The following FSTL5 variants were observed in gnomAD, a reference collection of about 807,000 sequenced individuals.
FSTL5 encodes follistatin like 5, also known as follistatin-related protein 5.
Under a neutral mutation model 89.1 loss-of-function variants are expected in FSTL5, and 62 were observed. The observed-to-expected ratio is 0.70, with a 90% confidence interval of 0.57 to 0.86. FSTL5 has a LOEUF of 0.86. FSTL5 is among the 40% of genes least tolerant of loss of function. The probability of loss-of-function intolerance (pLI) is 0.00; values close to 1 mark genes in which losing one functional copy is unlikely to be tolerated. For missense variants in FSTL5, 1,057 were observed against 1,001.6 expected (o/e 1.06, Z -0.75); for synonymous variants, 383 against 346.2 (o/e 1.11, Z -1.18).
At chr4:161,766,984 C>T (rs727566) in intron 5 of FSTL5, among the ~76,000 whole-genome samples, 10,236 of 152,044 alleles carry the variant, frequency 0.067, 587 homozygotes, top group African/African-American at 0.16. Flanking sequence ...TCAGGCCATT[C>T]GGTTACATGA....
chr4:161,593,557 G>C (rs977111605), intron 7 of FSTL5, among the ~76,000 whole-genome samples: 1 of 151,840 alleles, frequency 6.6e-6, no homozygotes, highest in African/African-American at 2.4e-5. Flanking sequence ...GAGGAGTCAA[G>C]GAAGAAGGGA....
At chr4:161,418,647 A>G (rs2126307126) in intron 15 of FSTL5, among the ~76,000 whole-genome samples, 1 of 152,296 alleles carries the variant, frequency 6.6e-6, no homozygotes, top group South Asian at 2.1e-4. Flanking sequence ...TTGGGTTTTT[A>G]TTTAGAAGAC....
At chr4:161,394,736 T>C (rs1199463835) in intron 15 of FSTL5, among the ~76,000 whole-genome samples, 1 of 152,154 alleles carries the variant, frequency 6.6e-6, no homozygotes, top group Admixed American at 6.6e-5. Context: ...ATAAAATAGG[T>C]TGTAATATAT....
intron 9 of FSTL5, among the ~76,000 whole-genome samples, chr4:161,538,561 T>G (rs186150072): frequency 7.2e-5 from 11 of 152,314 alleles, no homozygotes; most frequent in Admixed American, 7.2e-4. Flanking sequence ...TTCTACATTG[T>G]ATATGAGGTA....
intron 2 of FSTL5, among the ~76,000 whole-genome samples, chr4:162,041,541 C>T (rs895098145): frequency 2.0e-5 from 3 of 152,124 alleles, no homozygotes; most frequent in Non-Finnish European, 2.9e-5. Flanking sequence ...AGTCAACCAA[C>T]TTCTCCTTCA....
chr4:161,866,465 AGTGTGT>A (rs70937692), intron 4 of FSTL5, among the ~76,000 whole-genome samples: 4,539 of 131,906 alleles, frequency 0.034, 82 homozygotes, highest in South Asian at 0.052. Flanking sequence ...TCTAAGCTGT[AGTGTGT>A]GTGTGTGTGT....
chr4:161,482,030 G>T (rs762541072), intron 12 of FSTL5, among the ~76,000 whole-genome samples: 11 of 152,144 alleles, frequency 7.2e-5, no homozygotes, highest in Non-Finnish European at 1.3e-4. Context: ...TACATAAAAT[G>T]TATGTGCAGG....
chr4:161,669,336 C>T (rs1323551333), intron 6 of FSTL5, among the ~76,000 whole-genome samples: 1 of 151,652 alleles, frequency 6.6e-6, no homozygotes, highest in Non-Finnish European at 1.5e-5. Flanking sequence ...TCAAGATGAA[C>T]CAATGTTGAA....
intron 2 of FSTL5, among the ~76,000 whole-genome samples, chr4:162,108,738 T>C (rs1731324588): frequency 6.6e-6 from 1 of 151,524 alleles, no homozygotes; most frequent in African/African-American, 2.4e-5. Flanking sequence ...TTTAGTTTGA[T>C]AAATAAAAAG....
At chr4:162,043,575 TTAAAA>T (rs1738056997) in intron 2 of FSTL5, among the ~76,000 whole-genome samples, 1 of 152,120 alleles carries the variant, frequency 6.6e-6, no homozygotes, top group Non-Finnish European at 1.5e-5. Context: ...TGGCAATTTC[TTAAAA>T]TAAAAAAAAA....
At chr4:161,460,211 T>A (rs1210360216) in intron 13 of FSTL5, among the ~76,000 whole-genome samples, 1 of 151,954 alleles carries the variant, frequency 6.6e-6, no homozygotes, top group African/African-American at 2.4e-5. Context: ...CCTTAGAGAA[T>A]TTTCTTTTTT....
chr4:161,526,002 GT>G (rs1039588246), intron 10 of FSTL5, among the ~76,000 whole-genome samples: 2 of 151,892 alleles, frequency 1.3e-5, no homozygotes, highest in Admixed American at 6.6e-5. Flanking sequence ...GGCTAGTTTT[GT>G]GGGGGTTGAC....
In FSTL5 at chr4:162,037,153, G is replaced by C. The variant is rs117986400; in HGVS notation, c.127-3495C>G. Among the ~76,000 whole-genome samples the C allele has an allele frequency of 3.2e-3, 485 of 151,888 alleles. 14 individuals are homozygous for C. The East Asian group carries it at 0.047, about 15-fold the overall frequency. ...TTAGGATAAAAAGAAGAGACAGCAT[G>C]ACTGATTGTATATGGTTATTGAAAG... On this transcript the variant is annotated intron_variant, in intron 2 of 15. Coordinates refer to ENST00000306100, the MANE Select transcript of FSTL5 (RefSeq NM_020116.5).
At chr4:161,829,899 T>C (rs1730790847) in intron 4 of FSTL5, among the ~76,000 whole-genome samples, 1 of 152,032 alleles carries the variant, frequency 6.6e-6, no homozygotes, top group South Asian at 2.1e-4. Flanking sequence ...CAAACACATT[T>C]TGCAATTTTG....
intron 8 of FSTL5, among the ~76,000 whole-genome samples, chr4:161,556,317 T>A (rs1373776317): frequency 6.6e-6 from 1 of 151,634 alleles, no homozygotes; most frequent in Non-Finnish European, 1.5e-5. Flanking sequence ...AAAATATATA[T>A]GATTCTGGAA....
intron 4 of FSTL5, among the ~76,000 whole-genome samples, chr4:161,839,781 A>G (rs747960091): frequency 1.3e-5 from 2 of 152,158 alleles, no homozygotes; most frequent in African/African-American, 2.4e-5. Context: ...TCTTGATTGG[A>G]GTGGTGATTA....
chr4:161,474,899 G>A (rs28888072), intron 13 of FSTL5, among the ~76,000 whole-genome samples: 1 of 151,846 alleles, frequency 6.6e-6, no homozygotes, highest in East Asian at 1.9e-4. Flanking sequence ...GCTGGGCTAC[G>A]TTGAACATTT....
intron 5 of FSTL5, among the ~76,000 whole-genome samples, chr4:161,774,894 TG>T (rs1297330582): frequency 6.6e-6 from 1 of 152,096 alleles, no homozygotes; most frequent in Non-Finnish European, 1.5e-5. Context: ...TAAATTCCAA[TG>T]CCTAGGATTT....
chr4:161,984,474 G>A (rs1034594823), intron 3 of FSTL5, among the ~76,000 whole-genome samples: 4 of 151,956 alleles, frequency 2.6e-5, no homozygotes, highest in African/African-American at 9.7e-5. Flanking sequence ...AGTAAATCTC[G>A]ACGAGAAGGT....
Sources: allele counts gnomAD v4.1 joint callset (sites outside exome capture counted in the v4.1 genomes callset), GRCh38; gene constraint gnomAD v4.1.1; transcripts MANE v1.5; gene names NCBI Gene and HGNC (gene_info 2026-07-23, HGNC 2026-07-21).